The following SLCO6A1 variants were observed in gnomAD, a reference collection of about 807,000 sequenced individuals.
SLCO6A1 encodes cancer/testis antigen 48.
Under a neutral mutation model 72.7 loss-of-function variants are expected in SLCO6A1, and 65 were observed. The observed-to-expected ratio is 0.89, with a 90% confidence interval of 0.73 to 1.10. The LOEUF is 1.10. SLCO6A1 is among the 50% of genes least tolerant of loss of function. The pLI, the probability that SLCO6A1 is intolerant of heterozygous loss-of-function variation, is 0.00. For synonymous variants in SLCO6A1, 314 were observed against 298.2 expected (o/e 1.05, Z -0.55); for missense variants, 874 against 872.6 (o/e 1.00, Z -0.02).
chr5:102,478,842 T>C (rs879641258), intron 2 of SLCO6A1, among the ~76,000 whole-genome samples: 6 of 152,158 alleles, frequency 3.9e-5, no homozygotes, highest in Non-Finnish European at 5.9e-5. Context: ...TTTCATCTGG[T>C]TTAGTATCCA....
At chr5:102,449,309 T>C (rs1750283231) in intron 6 of SLCO6A1, among the ~76,000 whole-genome samples, 1 of 152,186 alleles carries the variant, frequency 6.6e-6, no homozygotes, top group Non-Finnish European at 1.5e-5. Flanking sequence ...TTACTTTGCA[T>C]TGACCTTGGA....
At chr5:102,492,907 G>A (rs997338336) in intron 1 of SLCO6A1, among the ~76,000 whole-genome samples, 4 of 152,150 alleles carry the variant, frequency 2.6e-5, no homozygotes, top group Admixed American at 2.6e-4. Context: ...ACTGGGTGGA[G>A]CCCACCACTG....
intron 10 of SLCO6A1, among the ~76,000 whole-genome samples, chr5:102,397,535 T>C (rs1247541801): frequency 6.6e-6 from 1 of 152,158 alleles, no homozygotes; most frequent in African/African-American, 2.4e-5. Flanking sequence ...TTTCCTGGCT[T>C]TTTTTGAGGT....
In SLCO6A1 at chr5:102,406,766, G is replaced by C. The variant is rs181385583; in HGVS notation, c.1626+6224C>G. ...ATTCTAAAAAAAAACATTAATACTAGAACTAAAAAATACAAGTGAAATTAG... is the reference window on the plus strand; with the variant it reads ...ATTCTAAAAAAAAACATTAATACTACAACTAAAAAATACAAGTGAAATTAG... On this transcript the variant is annotated intron_variant, in intron 9 of 13. Transcript: ENST00000506729. 4.4e-4 allele frequency among the ~76,000 whole-genome samples: 67 copies of C among 152,086 alleles called. No individual in the cohort carries two copies. In the East Asian group the frequency reaches 8.3e-3, roughly 19 times the overall value.
intron 4 of SLCO6A1, 50 bp downstream of exon 4, chr5:102,475,647 A>G (rs1310261242): frequency 8.4e-7 from 1 of 1,194,622 alleles, no homozygotes; most frequent in Admixed American, 2.3e-5. Flanking sequence ...GTAGCTATTT[A>G]GTAAGTATTT....
intron 10 of SLCO6A1, among the ~76,000 whole-genome samples, chr5:102,395,105 A>G (rs1049114416): frequency 6.6e-6 from 1 of 151,462 alleles, no homozygotes; most frequent in African/African-American, 2.4e-5. Flanking sequence ...TTAGTTACAT[A>G]TATATATATG....
intron 10 of SLCO6A1, among the ~76,000 whole-genome samples, chr5:102,397,283 T>G (rs998853903): frequency 2.4e-4 from 37 of 152,274 alleles, no homozygotes; most frequent in African/African-American, 8.7e-4. Flanking sequence ...TTGAATGCAA[T>G]ACATTTTCTT....
intron 4 of SLCO6A1, among the ~76,000 whole-genome samples, chr5:102,468,204 T>A (rs892185800): frequency 2.6e-5 from 4 of 152,134 alleles, no homozygotes; most frequent in Middle Eastern, 3.2e-3. Flanking sequence ...GGATACTTGA[T>A]ATGCTTTCCA....
intron 10 of SLCO6A1, among the ~76,000 whole-genome samples, chr5:102,396,089 C>T (rs1360648952): frequency 2.0e-5 from 3 of 152,156 alleles, no homozygotes; most frequent in East Asian, 3.9e-4. Context: ...CCATTGCTTT[C>T]AGTGTTTTAG....
intron 1 of SLCO6A1, among the ~76,000 whole-genome samples, chr5:102,487,532 T>C (rs1354474686): frequency 2.0e-5 from 3 of 152,222 alleles, no homozygotes; most frequent in Non-Finnish European, 4.4e-5. Flanking sequence ...TTCCTACAGA[T>C]ACTTTAAGTA....
intron 1 of SLCO6A1, among the ~76,000 whole-genome samples, chr5:102,497,853 G>A (rs940675953): frequency 6.6e-6 from 1 of 152,188 alleles, no homozygotes; most frequent in African/African-American, 2.4e-5. Context: ...AGAAATTAAG[G>A]TTAGGGGTCA....
intron 4 of SLCO6A1, among the ~76,000 whole-genome samples, chr5:102,474,743 A>T (rs1343178510): frequency 6.6e-6 from 1 of 152,096 alleles, no homozygotes; most frequent in African/African-American, 2.4e-5. Flanking sequence ...AATCTGATTT[A>T]AAAATGGCCA....
chr5:102,409,947 T>C (rs755408537), intron 9 of SLCO6A1, among the ~76,000 whole-genome samples: 3 of 152,066 alleles, frequency 2.0e-5, no homozygotes, highest in Non-Finnish European at 2.9e-5. Context: ...TGTGATGACA[T>C]GGTGAGCATT....
In SLCO6A1 at chr5:102,422,376, A is replaced by T. The variant is rs186761903; in HGVS notation, c.1277-2355T>A. Among the ~76,000 whole-genome samples the T allele has an allele frequency of 3.1e-3, 468 of 152,302 alleles. 3 individuals are homozygous for T. The highest frequency in any genetic ancestry group is 0.011 in the African/African-American group (454 of 41,572). ...CAATGCAAGGAAGCTAAAAACCTTG[A>T]TAAATGGTTACAGGAGCTGCTAACT... On this transcript the variant is annotated intron_variant, in intron 7 of 13. Transcript: ENST00000506729.
intron 6 of SLCO6A1, among the ~76,000 whole-genome samples, chr5:102,443,687 G>C (rs1002752278): frequency 6.6e-6 from 1 of 152,328 alleles, no homozygotes; most frequent in South Asian, 2.1e-4. Context: ...AAGGGACTGT[G>C]AGAATAGCAA....
At chr5:102,379,261 T>A (rs189928952) in intron 12 of SLCO6A1, among the ~76,000 whole-genome samples, 3 of 152,276 alleles carry the variant, frequency 2.0e-5, no homozygotes, top group Admixed American at 2.0e-4. Flanking sequence ...TTTATCTTAA[T>A]TTTTTTGGTA....
intron 6 of SLCO6A1, among the ~76,000 whole-genome samples, chr5:102,448,576 A>AG (rs1750243417): frequency 6.6e-6 from 1 of 152,206 alleles, no homozygotes; most frequent in African/African-American, 2.4e-5. Flanking sequence ...GTATATATTT[A>AG]GGGGAGTTAG....
intron 1 of SLCO6A1, among the ~76,000 whole-genome samples, chr5:102,497,897 C>A (rs1395522989): frequency 6.6e-6 from 1 of 152,200 alleles, no homozygotes; most frequent in African/African-American, 2.4e-5. Context: ...TGAACCTCCG[C>A]AAATTGCTCC....
chr5:102,434,603 A>G (rs970758618), intron 7 of SLCO6A1, among the ~76,000 whole-genome samples: 1 of 152,210 alleles, frequency 6.6e-6, no homozygotes, highest in African/African-American at 2.4e-5. Flanking sequence ...AGATAGGATG[A>G]AATTCAAACC....
Sources: allele counts gnomAD v4.1 joint callset (sites outside exome capture counted in the v4.1 genomes callset), GRCh38; gene constraint gnomAD v4.1.1; transcripts MANE v1.5; gene names NCBI Gene and HGNC (gene_info 2026-07-23, HGNC 2026-07-21).